The following ARK2C variants were observed in gnomAD, a reference collection of about 807,000 sequenced individuals.
The protein encoded by ARK2C is arkadia (RNF111) C-terminal like ring finger ubiquitin ligase 2C, also known as E3 ubiquitin-protein ligase ARK2C.
the ARK2C span, among the ~76,000 whole-genome samples, chr18:46,364,188 T>C: frequency 1.3e-5 from 2 of 151,906 alleles, no homozygotes; most frequent in African/African-American, 4.8e-5. Context: ...TTTCAAGTGA[T>C]CTGCAAGCCT....
chr18:46,403,775 G>A, the ARK2C span, among the ~76,000 whole-genome samples: 1 of 152,194 alleles, frequency 6.6e-6, no homozygotes, highest in Non-Finnish European at 1.5e-5. Flanking sequence ...CTGCTTGGGA[G>A]GCTGAGGCAG....
the ARK2C span, among the ~76,000 whole-genome samples, chr18:46,426,782 T>G: frequency 6.6e-6 from 1 of 152,280 alleles, no homozygotes; most frequent in African/African-American, 2.4e-5. Context: ...ATAATGGGTC[T>G]TTCAACTGAT....
chr18:46,459,340 A>G, the ARK2C span: 2 of 152,232 alleles, frequency 1.3e-5, no homozygotes, highest in Non-Finnish European at 2.9e-5. Flanking sequence ...GATGCTTGCT[A>G]ATTTCCTTCT....
the ARK2C span, among the ~76,000 whole-genome samples, chr18:46,423,264 C>T: frequency 7.4e-4 from 112 of 152,292 alleles, no homozygotes; most frequent in African/African-American, 2.3e-3. Flanking sequence ...TTGGCATTTC[C>T]TTAGTCTAGG....
At chr18:46,368,519 G>A in the ARK2C span, among the ~76,000 whole-genome samples, 2 of 152,292 alleles carry the variant, frequency 1.3e-5, no homozygotes, top group South Asian at 2.1e-4. Flanking sequence ...TCAAAGCTTG[G>A]CCTGGGTTTT....
chr18:46,387,043 G>A, the ARK2C span: 1 of 152,288 alleles, frequency 6.6e-6, no homozygotes, highest in Non-Finnish European at 1.5e-5. Context: ...CAGTTCTGAG[G>A]GGCAGTAGAC....
chr18:46,340,109 T>G, the ARK2C span, among the ~76,000 whole-genome samples: 1 of 152,218 alleles, frequency 6.6e-6, no homozygotes, highest in African/African-American at 2.4e-5. Context: ...GCAAGACACT[T>G]GTGCCTTAGT....
the ARK2C span, among the ~76,000 whole-genome samples, chr18:46,444,073 A>C: frequency 6.6e-6 from 1 of 151,922 alleles, no homozygotes. Context: ...CATAGGTGCC[A>C]TTCCTTTGTC....
the ARK2C span, among the ~76,000 whole-genome samples, chr18:46,428,726 A>C: frequency 6.6e-6 from 1 of 152,256 alleles, no homozygotes; most frequent in Admixed American, 6.5e-5. Context: ...ATAATTTTTT[A>C]CATAGAATAC....
chr18:46,348,834 C>T, the ARK2C span, among the ~76,000 whole-genome samples: 18 of 152,078 alleles, frequency 1.2e-4, no homozygotes, highest in Non-Finnish European at 2.2e-4. Context: ...ACCAAGAGAG[C>T]CCTTTGGTTT....
the ARK2C span, among the ~76,000 whole-genome samples, chr18:46,357,796 T>G: frequency 6.6e-6 from 1 of 152,204 alleles, no homozygotes; most frequent in African/African-American, 2.4e-5. Flanking sequence ...ACAACAGAAG[T>G]GTTCTCTGAC....
the ARK2C span, among the ~76,000 whole-genome samples, chr18:46,420,672 C>G: frequency 6.6e-6 from 1 of 152,008 alleles, no homozygotes; most frequent in African/African-American, 2.4e-5. Context: ...TGGTGAAACC[C>G]CATCTCTACT....
the ARK2C span, among the ~76,000 whole-genome samples, chr18:46,424,954 C>T: frequency 2.0e-5 from 3 of 152,216 alleles, no homozygotes; most frequent in East Asian, 1.9e-4. Flanking sequence ...AAGGAGCCAG[C>T]GCTGAACCCC....
chr18:46,409,108 T>C, the ARK2C span, among the ~76,000 whole-genome samples: 1 of 152,216 alleles, frequency 6.6e-6, no homozygotes, highest in African/African-American at 2.4e-5. Context: ...TAACAGTGCC[T>C]GGCATACAGG....
At chr18:46,447,779 A>G in the ARK2C span, 6 of 1,502,568 alleles carry the variant, frequency 4.0e-6, no homozygotes, top group African/African-American at 1.4e-5. Context: ...TGGCTGCTAC[A>G]TGGCCTGGCT....
At chr18:46,447,609 C>A in the ARK2C span, 1 of 1,614,036 alleles carries the variant, frequency 6.2e-7, no homozygotes, top group Non-Finnish European at 8.5e-7. Flanking sequence ...GTTCCAGGTG[C>A]GGCCCATCCC....
chr18:46,432,782 AAAAATAC>A, the ARK2C span, among the ~76,000 whole-genome samples: 1 of 152,126 alleles, frequency 6.6e-6, no homozygotes, highest in Non-Finnish European at 1.5e-5. Flanking sequence ...CGTCTCTACT[AAAAATAC>A]AAAAAATTAG....
the ARK2C span, among the ~76,000 whole-genome samples, chr18:46,362,149 C>T: frequency 1.3e-5 from 2 of 152,232 alleles, no homozygotes; most frequent in East Asian, 3.9e-4. Context: ...CCCAAGGTGA[C>T]AAATGAGTCA....
At chr18:46,349,326 T>G in the ARK2C span, among the ~76,000 whole-genome samples, 1 of 152,140 alleles carries the variant, frequency 6.6e-6, no homozygotes, top group Non-Finnish European at 1.5e-5. Flanking sequence ...GATGGCTGTT[T>G]TTTTGCTGTA....
Sources: gnomAD v4.1 joint callset for allele counts (sites outside exome capture counted in the v4.1 genomes callset) on GRCh38, gnomAD v4.1.1 for gene constraint, MANE v1.5 for transcripts, NCBI Gene and HGNC (gene_info 2026-07-23, HGNC 2026-07-21) for gene names.